The following RSRP1 variants were observed in gnomAD, a reference collection of about 807,000 sequenced individuals.
RSRP1 encodes the protein arginine/serine-rich protein 1.
In RSRP1, 37 loss-of-function variants were observed where a neutral mutation model predicts 33.0. The ratio of observed to expected loss-of-function variants is 1.12; its 90% confidence interval spans 0.86 to 1.48. The LOEUF is 1.48. Ranked by LOEUF, RSRP1 falls within the 40% of genes most tolerant of loss-of-function variation. The probability of loss-of-function intolerance (pLI) is 0.00; values close to 1 mark genes in which losing one functional copy is unlikely to be tolerated. For synonymous variants in RSRP1, 167 were observed against 158.7 expected (o/e 1.05, Z -0.40); for missense variants, 402 against 385.3 (o/e 1.04, Z -0.36).
chr1:25,257,044 GTATTACTTTTATTGCTA>G (rs1408005272), intron 1 of RSRP1, among the ~76,000 whole-genome samples: 8 of 152,214 alleles, frequency 5.3e-5, no homozygotes, highest in South Asian at 4.1e-4. Context: ...GCTTTAAGTA[GTATTACTTTTATTGCTA>G]TATTACTTTT....
rs1261306640 is a variant in RSRP1 at position 25,289,998 on chromosome 1, A to G, written c.-66-42969T>C. On this transcript the variant is annotated intron_variant, in intron 1 of 1. Coordinates refer to the RSRP1 transcript ENST00000561867. ...TGCTAGACACACCGATAGGAAGAAT[A>G]CTCCTTCACATCCCCAGGACACCAA... 3.1e-5 allele frequency among the ~76,000 whole-genome samples: 4 copies of G among 127,126 alleles called. 2 individuals are homozygous for G. The highest frequency in any genetic ancestry group is 8.3e-3 in the Middle Eastern group (2 of 240). The allele number at this position is 127,126 out of a possible 152,430, so 83.4% of individuals were successfully genotyped here. A position where few individuals can be genotyped will look rare whatever the true frequency, so the allele number is the denominator to read the frequency against.
In RSRP1 at chr1:25,269,564, A is replaced by G. The variant is rs951605646; in HGVS notation, c.-66-22535T>C. Among the ~76,000 whole-genome samples the G allele has an allele frequency of 2.3e-5, 3 of 132,954 alleles. 1 individual carries two copies. Among genetic ancestry groups the G allele is most frequent in the African/African-American group, 7.7e-5 (3 of 38,924 alleles). The allele number at this position is 132,954 out of a possible 152,430, so 87.2% of individuals were successfully genotyped here. ...ATACATCTCACAGCTAGAATCAACA[A>G]TTAACATTTTACTGTATTTGGTTTT... On this transcript the variant is annotated intron_variant, in intron 1 of 1. Transcript: ENST00000561867.
At chr1:25,272,445 T>G in intron 1 of RSRP1, 1 of 1,342,402 alleles carries the variant, frequency 7.4e-7, no homozygotes, top group East Asian at 2.4e-5. Context: ...ATAAGGCCTT[T>G]GGCGGGTGTC....
In RSRP1 at chr1:25,262,506, T is replaced by C. The variant is rs1571543908; in HGVS notation, c.-66-15477A>G. On this transcript the variant is annotated intron_variant, in intron 1 of 1. Transcript: ENST00000561867. Reference sequence around the variant, plus strand: ...ACACAGCCAATCGGATACATAGATATATAAAAGAGGGTTTATGAGTTAGAA... The same window carrying C: ...ACACAGCCAATCGGATACATAGATACATAAAAGAGGGTTTATGAGTTAGAA... 3.3e-5 allele frequency among the ~76,000 whole-genome samples: 5 copies of C among 152,192 alleles called. No individual in the cohort carries two copies. In the South Asian group the frequency reaches 8.3e-4, roughly 25 times the overall value.
Position 25,319,056 on chromosome 1 carries a change from A to C in RSRP1, c.-67+18922T>G, listed in dbSNP as rs1644561761. On this transcript the variant is annotated intron_variant, in intron 1 of 1. Transcript: ENST00000561867. The stretch of plus-strand genomic sequence containing the variant: ...AGGCTGCCGGATTTAGCAAAAATGC[A>C]AGGTGTCTGTTTTTAAATTTGAAAT... Among the ~76,000 whole-genome samples, 3 of 132,196 alleles carry C rather than the reference A, an allele frequency of 2.3e-5. 1 individual carries two copies. The highest frequency in any genetic ancestry group is 7.7e-5 in the African/African-American group (3 of 38,796). The allele number at this position is 132,196 out of a possible 152,430, so 86.7% of individuals were successfully genotyped here.
rs142752585 is a variant in RSRP1, at chr1:25,244,769, T to C, written c.672+381A>G. ...GTGCCATCTTGGCTCACTGCAACCT[T>C]AGCATCCTAGGCTCAAAGATCCTCC... On this transcript the variant is annotated intron_variant, in intron 3 of 4. Transcript: ENST00000243189. The C allele has an allele frequency of 8.6e-4, 898 of 1,039,870 alleles. 5 individuals are homozygous for C. The African/African-American group carries it at 0.01, about 12-fold the overall frequency. The allele number at this position is 1,039,870 out of a possible 1,614,324, so 64.4% of individuals were successfully genotyped here.
At chr1:25,323,445 T>A (rs1359258631) in intron 1 of RSRP1, among the ~76,000 whole-genome samples, 1 of 115,790 alleles carries the variant, frequency 8.6e-6, no homozygotes, top group African/African-American at 3.0e-5. Flanking sequence ...TTTCTGTCAC[T>A]AAGGTTTGCA....
Position 25,282,854 on chromosome 1 carries a change from C to T in RSRP1, c.-66-35825G>A, listed in dbSNP as rs1473671248. Reference sequence around the variant, plus strand: ...AGGTTGCAGCGAGCCGAGATCGCACCACTGCACTCCAACCTGGGCAACAGA... The same window carrying T: ...AGGTTGCAGCGAGCCGAGATCGCACTACTGCACTCCAACCTGGGCAACAGA... On this transcript the variant is annotated intron_variant, in intron 1 of 1. Transcript: ENST00000561867. Among the ~76,000 whole-genome samples, 4 of 129,776 alleles carry T rather than the reference C, an allele frequency of 3.1e-5. 1 individual carries two copies. Among genetic ancestry groups the T allele is most frequent in the Non-Finnish European group, 7.3e-5 (4 of 54,878 alleles). 85.1% of individuals were successfully genotyped at this position (129,776 alleles called of 152,430 possible).
chr1:25,329,036 G>C lies in RSRP1; in HGVS notation c.-67+8942C>G, dbSNP rs373760377. The C allele has an allele frequency of 6.5e-6, 9 of 1,376,950 alleles. 2 individuals are homozygous for C. The highest frequency in any genetic ancestry group is 8.2e-6 in the Non-Finnish European group (8 of 977,692). The allele number at this position is 1,376,950 out of a possible 1,614,324, so 85.3% of individuals were successfully genotyped here. ...CATGACAGCAAAGTCTCCAATGTTC[G>C]CGCAGGCACTGGAGTCAGAGAAAAT... On this transcript the variant is annotated intron_variant, in intron 1 of 1. Transcript: ENST00000561867.
chr1:25,316,323 G>T (rs1415002850), intron 1 of RSRP1, among the ~76,000 whole-genome samples: 2 of 129,090 alleles, frequency 1.5e-5, no homozygotes, highest in Admixed American at 1.5e-4. Context: ...ATTGCCTAAC[G>T]AGAAAACTGG....
intron 1 of RSRP1, among the ~76,000 whole-genome samples, chr1:25,285,522 C>A (rs1340888951): frequency 7.4e-6 from 1 of 134,954 alleles, no homozygotes; most frequent in Non-Finnish European, 1.8e-5. Flanking sequence ...CATTAAATTA[C>A]CTGTGCTTTG....
At chr1:25,258,215 C>A (rs1640009380) in intron 1 of RSRP1, among the ~76,000 whole-genome samples, 1 of 152,198 alleles carries the variant, frequency 6.6e-6, no homozygotes, top group African/African-American at 2.4e-5. Flanking sequence ...GAGTCTCGAT[C>A]TGTTGCCCAA....
intron 1 of RSRP1, among the ~76,000 whole-genome samples, chr1:25,287,576 G>A (rs1468057583): frequency 7.4e-6 from 1 of 134,996 alleles, no homozygotes; most frequent in African/African-American, 2.6e-5. Context: ...ACTTGGGACT[G>A]ATTTGGTTCT....
Position 25,284,259 on chromosome 1 carries a change from G to A in RSRP1, c.-66-37230C>T, listed in dbSNP as rs1484717315. Among the ~76,000 whole-genome samples the A allele has an allele frequency of 5.9e-5, 8 of 135,998 alleles. 2 individuals carry two copies. The highest frequency in any genetic ancestry group is 1.2e-4 in the Non-Finnish European group (7 of 57,116). 89.2% of individuals were successfully genotyped at this position (135,998 alleles called of 152,430 possible). A position where few individuals can be genotyped will look rare whatever the true frequency, so the allele number is the denominator to read the frequency against. On this transcript the variant is annotated intron_variant, in intron 1 of 1. Coordinates refer to the RSRP1 transcript ENST00000561867. ...CGTCAAGCACGTGTGCTTTACACTT[G>A]TTCTTATTATTAGGTTTAATAATAG...
In RSRP1 at chr1:25,308,545, A is replaced by G. The variant is rs1353835092; in HGVS notation, c.-67+29433T>C. Among the ~76,000 whole-genome samples, 24 of 132,396 alleles carry G rather than the reference A, an allele frequency of 1.8e-4. 9 individuals carry two copies. Among genetic ancestry groups the G allele is most frequent in the Middle Eastern group, 8.1e-3 (2 of 246 alleles). 86.9% of individuals were successfully genotyped at this position (132,396 alleles called of 152,430 possible). Reference sequence around the variant, plus strand: ...CCAAGAAAATAAAGCCTTGATTGGTAGCACTTGCAATTTCTATGGTACAAA... The same window carrying G: ...CCAAGAAAATAAAGCCTTGATTGGTGGCACTTGCAATTTCTATGGTACAAA... On this transcript the variant is annotated intron_variant, in intron 1 of 1. Transcript: ENST00000561867.
At position 25,299,179 on chromosome 1, in the gene RSRP1, C is replaced by T. The variant is rs184134999; in HGVS notation, c.-67+38799G>A. ...GATGGATCACTTGAGGTCAGGAGTTCGAGACCAGGCTGGGGAACATGGTGA... is the reference window on the plus strand; with the variant it reads ...GATGGATCACTTGAGGTCAGGAGTTTGAGACCAGGCTGGGGAACATGGTGA... On this transcript the variant is annotated intron_variant, in intron 1 of 1. Coordinates refer to the RSRP1 transcript ENST00000561867. 2.2e-3 allele frequency among the ~76,000 whole-genome samples: 279 copies of T among 126,228 alleles called. 34 individuals are homozygous for T. Among genetic ancestry groups the T allele is most frequent in the African/African-American group, 7.2e-3 (263 of 36,782 alleles). The allele number at this position is 126,228 out of a possible 152,430, so 82.8% of individuals were successfully genotyped here.
chr1:25,303,223 G>C, intron 1 of RSRP1: 1 of 1,016,534 alleles, frequency 9.8e-7, no homozygotes, highest in East Asian at 2.4e-5. Context: ...CAGGGAGGAT[G>C]TTACAGGGTT....
rs1434897908 is a variant in RSRP1, at chr1:25,321,287, G to A, written c.-67+16691C>T. On this transcript the variant is annotated intron_variant, in intron 1 of 1. Coordinates refer to the RSRP1 transcript ENST00000561867. ...GGGCCCTTTTACTCCATCTGGGGAA[G>A]GGCGTCAGATCTGTGGCTCTCATGT... 1.6e-4 allele frequency among the ~76,000 whole-genome samples: 20 copies of A among 123,762 alleles called. 3 individuals carry two copies. The highest frequency in any genetic ancestry group is 4.9e-4 in the African/African-American group (18 of 36,690). The allele number at this position is 123,762 out of a possible 152,430, so 81.2% of individuals were successfully genotyped here. A position where few individuals can be genotyped will look rare whatever the true frequency, so the allele number is the denominator to read the frequency against.
chr1:25,266,785 TTCGGGTGCACCA>T (rs1237860980), intron 1 of RSRP1: 1 of 146,470 alleles, frequency 6.8e-6, no homozygotes, highest in Non-Finnish European at 1.6e-5. Flanking sequence ...TCTGTGTTCT[TTCGGGTGCACCA>T]TCGGGTCAAA....
Sources: gnomAD v4.1 joint callset for allele counts (sites outside exome capture counted in the v4.1 genomes callset) on GRCh38, gnomAD v4.1.1 for gene constraint, MANE v1.5 for transcripts, NCBI Gene and HGNC (gene_info 2026-07-23, HGNC 2026-07-21) for gene names.